ADAMTS18: variants seen among roughly 807,000 people sequenced by gnomAD.
ADAMTS18 encodes A disintegrin and metalloproteinase with thrombospondin motifs 18.
In ADAMTS18, 157 loss-of-function variants were observed where a neutral mutation model predicts 165.9. The observed-to-expected ratio is 0.95, with a 90% CI of 0.83 to 1.08. The LOEUF (loss-of-function observed/expected upper bound fraction) is 1.08, where lower values mean the gene tolerates loss of function less well. Ranked by LOEUF, ADAMTS18 falls within the 50% of genes least tolerant of loss-of-function variation. The pLI is 0.00. For missense variants in ADAMTS18, 2,040 were observed against 1,534.0 expected (o/e 1.33, Z -5.51); for synonymous variants, 782 against 578.2 (o/e 1.35, Z -5.06).
intron 3 of ADAMTS18, among the ~76,000 whole-genome samples, chr16:77,406,263 T>C (rs1402123204): frequency 6.6e-6 from 1 of 152,082 alleles, no homozygotes; most frequent in Non-Finnish European, 1.5e-5. Flanking sequence ...AATCATATGG[T>C]CAAAATAGAT....
chr16:77,394,305 C>G (rs1382187278), intron 3 of ADAMTS18, among the ~76,000 whole-genome samples: 1 of 152,094 alleles, frequency 6.6e-6, no homozygotes, highest in East Asian at 1.9e-4. Flanking sequence ...GAAATAAGAC[C>G]TAGTTTTAAT....
chr16:77,399,460 G>A (rs1207878076), intron 3 of ADAMTS18, among the ~76,000 whole-genome samples: 1 of 152,188 alleles, frequency 6.6e-6, no homozygotes, highest in Admixed American at 6.5e-5. Context: ...AGCTAGAGGA[G>A]TTCTGACTTA....
At chr16:77,368,855 CAAG>C (rs1213396874) in intron 3 of ADAMTS18, among the ~76,000 whole-genome samples, 7 of 152,126 alleles carry the variant, frequency 4.6e-5, no homozygotes, top group Admixed American at 6.6e-5. Flanking sequence ...TTTACCAAAT[CAAG>C]AAGAAAGGGG....
intron 10 of ADAMTS18, among the ~76,000 whole-genome samples, chr16:77,353,379 G>T (rs1461768894): frequency 6.6e-6 from 1 of 152,162 alleles, no homozygotes; most frequent in Non-Finnish European, 1.5e-5. Context: ...GTATGGTGAT[G>T]ATTTGAAACG....
intron 11 of ADAMTS18, among the ~76,000 whole-genome samples, chr16:77,337,902 T>C (rs918675193): frequency 8.0e-6 from 1 of 125,154 alleles, no homozygotes; most frequent in Non-Finnish European, 1.8e-5. Flanking sequence ...TCTTTTCTTT[T>C]CTTTTCTTTT....
chr16:77,322,248 A>C (rs1044794524), intron 14 of ADAMTS18, 88 bp downstream of exon 14: 1 of 1,544,140 alleles, frequency 6.5e-7, no homozygotes, highest in South Asian at 1.1e-5. Context: ...CTCCAGACAC[A>C]CAATCTCTCA....
At chr16:77,343,411 T>C (rs1346484624) in intron 10 of ADAMTS18, among the ~76,000 whole-genome samples, 1 of 152,200 alleles carries the variant, frequency 6.6e-6, no homozygotes, top group Non-Finnish European at 1.5e-5. Flanking sequence ...TCCAGAACTA[T>C]AAGATAATAA....
intron 11 of ADAMTS18, among the ~76,000 whole-genome samples, chr16:77,339,264 G>A (rs904631853): frequency 1.3e-5 from 2 of 152,132 alleles, no homozygotes; most frequent in African/African-American, 4.8e-5. Flanking sequence ...ACACGGGAGT[G>A]ATGATGGATG....
chr16:77,357,677 T>C (rs2056651626), intron 8 of ADAMTS18, among the ~76,000 whole-genome samples: 3 of 152,192 alleles, frequency 2.0e-5, no homozygotes, highest in Admixed American at 2.0e-4. Context: ...CGGAATTTAA[T>C]TTTGAACTTA....
Position 77,326,002 on chromosome 16 carries a change from G to C in ADAMTS18, c.1896C>G (p.Ser632Arg), listed in dbSNP as rs1406614147. The change falls in exon 13 of 23, where the codon AGC becomes AGG. Residue 632 changes from serine to arginine, a missense_variant. Coordinates refer to ENST00000282849, the MANE Select transcript of ADAMTS18 (RefSeq NM_199355.4). The part of the protein sequence containing the change: ...QYGGLFCPGS[S>R]RIYQLCNINP... Reference sequence around the variant, plus strand: ...TAATATTGCACAGCTGATAAATACGGCTAGAACCTGGACAGAATAAGCCAC... The same window carrying C: ...TAATATTGCACAGCTGATAAATACGCCTAGAACCTGGACAGAATAAGCCAC... The C allele has an allele frequency of 6.2e-7, 1 of 1,613,898 alleles. No homozygotes were observed. Among genetic ancestry groups the C allele is most frequent in the African/African-American group, 1.3e-5 (1 of 74,906 alleles).
chr16:77,401,979 T>C (rs2057337675), intron 3 of ADAMTS18, among the ~76,000 whole-genome samples: 1 of 152,172 alleles, frequency 6.6e-6, no homozygotes, highest in Admixed American at 6.5e-5. Context: ...GTTTCAGGTG[T>C]TCGGACTCAG....
intron 2 of ADAMTS18, among the ~76,000 whole-genome samples, chr16:77,433,141 T>C (rs556771576): frequency 2.6e-5 from 4 of 152,252 alleles, no homozygotes; most frequent in African/African-American, 9.6e-5. Flanking sequence ...CTCTTGATTA[T>C]GTGCAATTTC....
At chr16:77,288,712 C>T (rs892994529) in intron 22 of ADAMTS18, among the ~76,000 whole-genome samples, 12 of 152,082 alleles carry the variant, frequency 7.9e-5, no homozygotes, top group African/African-American at 2.9e-4. Flanking sequence ...ATATGAGCTC[C>T]TTGAGGGCTA....
chr16:77,394,371 G>A (rs972208880), intron 3 of ADAMTS18, among the ~76,000 whole-genome samples: 1 of 152,086 alleles, frequency 6.6e-6, no homozygotes, highest in Non-Finnish European at 1.5e-5. Flanking sequence ...CGAGCTTCAG[G>A]GATCTTATTT....
intron 16 of ADAMTS18, among the ~76,000 whole-genome samples, chr16:77,317,086 A>T (rs2055900248): frequency 6.6e-6 from 1 of 151,686 alleles, no homozygotes; most frequent in Non-Finnish European, 1.5e-5. Flanking sequence ...TTCCTCACCA[A>T]CTCTCTAATT....
intron 20 of ADAMTS18, 166 bp downstream of exon 20, chr16:77,292,910 C>G (rs1250181443): frequency 7.0e-6 from 5 of 710,930 alleles, no homozygotes; most frequent in Non-Finnish European, 1.1e-5. Context: ...AACTCCGCCT[C>G]CTGGGTTCAC....
intron 10 of ADAMTS18, among the ~76,000 whole-genome samples, chr16:77,342,293 G>T (rs914442184): frequency 8.5e-5 from 13 of 152,170 alleles, no homozygotes; most frequent in Admixed American, 4.6e-4. Context: ...GATAAATGAG[G>T]AACTACATGT....
chr16:77,288,412 T>C (rs17769706), intron 22 of ADAMTS18, among the ~76,000 whole-genome samples: 13,723 of 150,196 alleles, frequency 0.091, 937 homozygotes, highest in East Asian at 0.24. Context: ...TTTTTTTTGG[T>C]CTTGTGCAAG....
intron 11 of ADAMTS18, among the ~76,000 whole-genome samples, chr16:77,341,116 T>C (rs1368493758): frequency 6.6e-6 from 1 of 151,964 alleles, no homozygotes; most frequent in Admixed American, 6.6e-5. Context: ...TATATGAGAG[T>C]TCTTCATTAA....
Sources: gnomAD v4.1 joint callset for allele counts (sites outside exome capture counted in the v4.1 genomes callset) on GRCh38, gnomAD v4.1.1 for gene constraint, MANE v1.5 for transcripts, NCBI Gene and HGNC (gene_info 2026-07-23, HGNC 2026-07-21) for gene names.